The following SIPA1L3 variants were observed in gnomAD, a reference collection of about 807,000 sequenced individuals.
The protein encoded by SIPA1L3 is signal-induced proliferation-associated 1-like protein 3.
A neutral mutation model predicts 150.1 loss-of-function variants in SIPA1L3; 59 were observed. The observed-to-expected ratio is 0.39, with a 90% confidence interval of 0.32 to 0.49. The LOEUF is 0.49. SIPA1L3 is among the 20% of genes least tolerant of loss of function. The pLI is 0.86. For synonymous variants in SIPA1L3, 1,070 were observed against 1,077.6 expected, an observed-to-expected ratio of 0.99 and a Z score of 0.14; for missense variants, 2,211 against 2,489.5, an observed-to-expected ratio of 0.89 and a Z score of 2.38.
chr19:38,195,015 C>T (rs1465865149), intron 18 of SIPA1L3, among the ~76,000 whole-genome samples: 3 of 151,950 alleles, frequency 2.0e-5, no homozygotes, highest in Non-Finnish European at 4.4e-5. Flanking sequence ...CAAGCCACTG[C>T]ACTCCAGCCT....
intron 4 of SIPA1L3, among the ~76,000 whole-genome samples, chr19:38,099,034 CTTCTT>C (rs1009852528): frequency 6.6e-5 from 10 of 151,640 alleles, no homozygotes; most frequent in Admixed American, 3.3e-4. Context: ...CTCTTCTCTT[CTTCTT>C]TTCTTTTCTT....
At chr19:37,954,995 G>A (rs986316035) in intron 1 of SIPA1L3, among the ~76,000 whole-genome samples, 4 of 150,426 alleles carry the variant, frequency 2.7e-5, no homozygotes, top group African/African-American at 4.9e-5. Flanking sequence ...GCTGAAGCAC[G>A]AGGATTGCTT....
chr19:38,050,644 C>G (rs62121394), intron 2 of SIPA1L3, among the ~76,000 whole-genome samples: 28 of 152,214 alleles, frequency 1.8e-4, no homozygotes, highest in Non-Finnish European at 3.1e-4. Flanking sequence ...TCTCCTGGGT[C>G]GTCCAAGAGA....
chr19:37,939,123 T>C (rs2046628680), intron 1 of SIPA1L3, among the ~76,000 whole-genome samples: 1 of 152,200 alleles, frequency 6.6e-6, no homozygotes, highest in African/African-American at 2.4e-5. Flanking sequence ...TGATCCACTC[T>C]TTGAAACAGT....
At position 38,194,348 on chromosome 19, in the gene SIPA1L3, AC is replaced by A. The variant is rs914476548; in HGVS notation, c.4840+574del. 1.5e-3 allele frequency among the ~76,000 whole-genome samples: 212 copies of A among 144,918 alleles called. 1 individual carries two copies. Among genetic ancestry groups the A allele is most frequent in the African/African-American group, 5.1e-3 (206 of 40,046 alleles). On this transcript the variant is annotated intron_variant, in intron 18 of 21. Transcript: ENST00000222345. The stretch of plus-strand genomic sequence containing the variant: ...GGCCGTGCCCCAGATGCACCCTGTA[AC>A]CCCCCTTACCCACCTCCTAACCCCC...
chr19:38,119,743 A>G lies in SIPA1L3; in HGVS notation c.2729A>G (p.Asn910Ser), dbSNP rs567811231. ...TTACGCACCAAGGAGGTGGTGTTCA[A>G]CTGCTACTGCGGGGATGTCATTGGC... is the stretch of plus-strand genomic sequence containing the variant. ...LDLRTKEVVF[N>S]CYCGDVIGWT... The change falls in exon 9 of 22, where the codon AAC becomes AGC. Residue 910 changes from asparagine (N) to serine (S), a missense_variant. By Grantham distance (46) the Asn-to-Ser change is conservative. Around this residue, in one of 5 missense-constraint regions of SIPA1L3, gnomAD observed 625 missense variants for 804.2 expected, o/e 0.78. Coordinates refer to ENST00000222345, the MANE Select transcript of SIPA1L3 (RefSeq NM_015073.3). 3.2e-5 allele frequency: 52 copies of G among 1,614,160 alleles called. No individual in the cohort carries two copies. Among genetic ancestry groups the G allele is most frequent in the Non-Finnish European group, 4.0e-5 (47 of 1,180,034 alleles).
intron 1 of SIPA1L3, among the ~76,000 whole-genome samples, chr19:38,004,758 G>A (rs1967897764): frequency 6.6e-6 from 1 of 152,194 alleles, no homozygotes; most frequent in Non-Finnish European, 1.5e-5. Context: ...TGCCATAGAG[G>A]AAGGGCGGGC....
intron 15 of SIPA1L3, among the ~76,000 whole-genome samples, chr19:38,179,466 A>G (rs1388536650): frequency 1.3e-5 from 2 of 152,116 alleles, no homozygotes; most frequent in African/African-American, 4.8e-5. Context: ...AAAAATATAT[A>G]TAATTTAGTA....
chr19:37,978,571 T>G (rs1967128448), intron 1 of SIPA1L3, among the ~76,000 whole-genome samples: 1 of 152,234 alleles, frequency 6.6e-6, no homozygotes, highest in Non-Finnish European at 1.5e-5. Flanking sequence ...CATGGTCTCT[T>G]GCTCCAAAGC....
intron 12 of SIPA1L3, among the ~76,000 whole-genome samples, chr19:38,145,233 A>T: frequency 1.1e-5 from 1 of 87,714 alleles, no homozygotes; most frequent in Admixed American, 9.8e-5. Context: ...GGAAGTTGCC[A>T]AAAAAAACAT....
At chr19:38,170,502 T>C (rs1314811461) in intron 15 of SIPA1L3, among the ~76,000 whole-genome samples, 1 of 152,168 alleles carries the variant, frequency 6.6e-6, no homozygotes, top group African/African-American at 2.4e-5. Context: ...AGGCCCAGCA[T>C]GAGCACTCAT....
In SIPA1L3 at chr19:38,081,660, G is replaced by C. The variant is rs1398832410; in HGVS notation, c.95G>C (p.Gly32Ala). The part of the protein sequence containing the change: ...VGDVLPGPHT[G>A]DYAPLGFWAQ... ...GATGTCCTCCCTGGGCCACACACAG[G>C]GGACTACGCTCCCTTGGGATTCTGG... Residue 32 changes from glycine to alanine, a missense_variant, in exon 3 of 22, where the codon GGG becomes GCG. By Grantham distance (60) the Gly-to-Ala change is moderately conservative. Coordinates refer to ENST00000222345, the MANE Select transcript of SIPA1L3 (RefSeq NM_015073.3). The C allele has an allele frequency of 6.2e-7, 1 of 1,612,054 alleles. No individual in the cohort carries two copies. The highest frequency in any genetic ancestry group is 1.7e-5 in the Admixed American group (1 of 60,006).
chr19:37,954,596 A>G (rs1189386858), intron 1 of SIPA1L3, among the ~76,000 whole-genome samples: 1 of 152,182 alleles, frequency 6.6e-6, no homozygotes, highest in Non-Finnish European at 1.5e-5. Context: ...ACTGTTTTCA[A>G]GATACTCCTG....
intron 15 of SIPA1L3, among the ~76,000 whole-genome samples, chr19:38,181,347 T>A (rs1187717134): frequency 1.3e-5 from 2 of 152,154 alleles, no homozygotes; most frequent in African/African-American, 4.8e-5. Context: ...ATATATATAA[T>A]CCTAGCTGGG....
At chr19:37,912,866 TG>T (rs1375638048) in intron 1 of SIPA1L3, among the ~76,000 whole-genome samples, 1 of 152,122 alleles carries the variant, frequency 6.6e-6, no homozygotes, top group Admixed American at 6.5e-5. Context: ...TTGGAGATGT[TG>T]GGGGCCTAAG....
chr19:38,120,910 G>A (rs978945178), intron 9 of SIPA1L3, among the ~76,000 whole-genome samples: 3 of 152,220 alleles, frequency 2.0e-5, no homozygotes, highest in East Asian at 1.9e-4. Flanking sequence ...CATATAACAC[G>A]GCAGTTCAGA....
chr19:38,122,429 C>T (rs925089724), intron 9 of SIPA1L3, among the ~76,000 whole-genome samples: 3 of 152,214 alleles, frequency 2.0e-5, no homozygotes, highest in Non-Finnish European at 4.4e-5. Context: ...CTTCTGTAGG[C>T]AGGCATCAGC....
intron 2 of SIPA1L3, among the ~76,000 whole-genome samples, chr19:38,060,717 G>A (rs1725470): frequency 0.19 from 29,199 of 152,076 alleles, 3,072 homozygotes; most frequent in African/African-American, 0.27. Context: ...TTGAGACAGA[G>A]TTTCGCTCTT....
intron 1 of SIPA1L3, among the ~76,000 whole-genome samples, chr19:37,985,584 G>A (rs927705315): frequency 2.0e-5 from 3 of 152,104 alleles, no homozygotes; most frequent in African/African-American, 7.2e-5. Flanking sequence ...ATGAGGAAGG[G>A]GTCTGTCCGA....
Sources: gnomAD v4.1 joint callset for allele counts (sites outside exome capture counted in the v4.1 genomes callset) on GRCh38, gnomAD v4.1.1 for gene constraint, gnomAD v4.1.1 regional missense constraint, MANE v1.5 for transcripts, NCBI Gene and HGNC (gene_info 2026-07-23, HGNC 2026-07-21) for gene names.